The following RELN variants were observed in gnomAD, a reference collection of about 807,000 sequenced individuals.
RELN encodes reelin.
A neutral mutation model predicts 427.6 loss-of-function variants in RELN; 108 were observed. The ratio of observed to expected loss-of-function variants is 0.25; its 90% CI spans 0.22 to 0.30. The LOEUF is 0.30. Ranked by LOEUF, RELN falls within the 10% of genes least tolerant of loss-of-function variation. RELN has a pLI of 1.00. For synonymous variants in RELN, 1,524 were observed against 1,513.4 expected (o/e 1.01, Z -0.16); for missense variants, 3,715 against 4,302.8 (o/e 0.86, Z 3.82).
At chr7:103,659,565 C>T (rs1040646787) in intron 12 of RELN, among the ~76,000 whole-genome samples, 1 of 152,040 alleles carries the variant, frequency 6.6e-6, no homozygotes, top group Non-Finnish European at 1.5e-5. Flanking sequence ...TTAAATCATG[C>T]CCATCCTTCA....
At chr7:103,822,920 CA>C (rs1198249383) in intron 3 of RELN, among the ~76,000 whole-genome samples, 8 of 796 alleles carry the variant, frequency 0.01, 1 homozygote, top group African/African-American at 0.015. Context: ...GACTCCGTCT[CA>C]AAAAAAAAAA....
rs1457161587 is a variant in RELN at position 103,652,885 on chromosome 7, C to T, written c.1555-126G>A. On this transcript the variant is annotated intron_variant, in intron 13 of 64. Coordinates refer to ENST00000428762, the MANE Select transcript of RELN (RefSeq NM_005045.4). ...CATTTATTAAGCACCAGGACACGTC[C>T]TTTGTGTTGCATTTGTTATTTCATG... The T allele has an allele frequency of 6.3e-6, 5 of 789,814 alleles. No homozygotes were observed. The Admixed American group carries it at 8.0e-5, about 13-fold the overall frequency. 48.9% of individuals were successfully genotyped at this position (789,814 alleles called of 1,614,324 possible).
chr7:103,908,538 G>A (rs1470026849), intron 2 of RELN, among the ~76,000 whole-genome samples: 1 of 152,090 alleles, frequency 6.6e-6, no homozygotes. Flanking sequence ...CCACCACGTT[G>A]AACTGACTTT....
At chr7:103,726,865 T>C (rs777166527) in intron 7 of RELN, among the ~76,000 whole-genome samples, 1 of 152,198 alleles carries the variant, frequency 6.6e-6, no homozygotes, top group South Asian at 2.1e-4. Context: ...ACCAGAGTCA[T>C]ACTTGTCTGC....
chr7:103,613,648 C>A (rs1438510785), intron 20 of RELN, among the ~76,000 whole-genome samples: 1 of 152,068 alleles, frequency 6.6e-6, no homozygotes, highest in African/African-American at 2.4e-5. Context: ...TCTCTAAAAT[C>A]CTTTATGAGG....
At chr7:103,945,282 A>G (rs1796197228) in intron 1 of RELN, among the ~76,000 whole-genome samples, 1 of 152,168 alleles carries the variant, frequency 6.6e-6, no homozygotes, top group Admixed American at 6.5e-5. Flanking sequence ...CTGTCATTTT[A>G]TTCCCTTACC....
intron 2 of RELN, among the ~76,000 whole-genome samples, chr7:103,911,959 C>A (rs1201184902): frequency 1.3e-5 from 2 of 150,740 alleles, no homozygotes; most frequent in African/African-American, 4.9e-5. Flanking sequence ...ACATATGTAA[C>A]TAACCTGCAC....
chr7:103,919,803 C>T (rs1317502402), intron 1 of RELN, among the ~76,000 whole-genome samples: 2 of 152,042 alleles, frequency 1.3e-5, no homozygotes, highest in Non-Finnish European at 2.9e-5. Flanking sequence ...TTCTTGAAAG[C>T]GGAAAAGTGA....
intron 1 of RELN, 81 bp from the exon 2 acceptor site, chr7:103,917,266 AAAC>A: frequency 1.8e-6 from 2 of 1,106,722 alleles, no homozygotes; most frequent in Non-Finnish European, 2.8e-6. Context: ...GACATTGTCA[AAAC>A]AATCTTTACT....
chr7:103,609,788 T>C (rs1831906616), intron 22 of RELN, among the ~76,000 whole-genome samples: 1 of 152,224 alleles, frequency 6.6e-6, no homozygotes, highest in Admixed American at 6.5e-5. Flanking sequence ...ATTTTCTTTT[T>C]ACAAAAGAGC....
chr7:103,474,113 C>T (rs962967560), intron 64 of RELN, among the ~76,000 whole-genome samples: 1 of 151,958 alleles, frequency 6.6e-6, no homozygotes, highest in Non-Finnish European at 1.5e-5. Flanking sequence ...AGGTATTATA[C>T]TTAGGCATAT....
chr7:103,704,749 T>C (rs990530489), intron 8 of RELN, among the ~76,000 whole-genome samples: 3 of 152,126 alleles, frequency 2.0e-5, no homozygotes, highest in Non-Finnish European at 4.4e-5. Context: ...TTTTGCTCCC[T>C]TTTTGGGCAA....
chr7:103,916,294 C>G (rs577371792), intron 2 of RELN, among the ~76,000 whole-genome samples: 1 of 152,304 alleles, frequency 6.6e-6, no homozygotes, highest in South Asian at 2.1e-4. Context: ...AACTTTGTGT[C>G]TGATAATGCA....
At chr7:103,835,915 A>C (rs1404473800) in intron 2 of RELN, among the ~76,000 whole-genome samples, 1 of 150,100 alleles carries the variant, frequency 6.7e-6, no homozygotes, top group Admixed American at 6.6e-5. Flanking sequence ...AAACTTGTTC[A>C]CACTGTTAAT....
At chr7:103,974,534 T>C (rs1312631443) in intron 1 of RELN, among the ~76,000 whole-genome samples, 1 of 13,916 alleles carries the variant, frequency 7.2e-5, no homozygotes, top group Non-Finnish European at 1.3e-4. Flanking sequence ...AACAAGTCCT[T>C]GGAAACATTC....
rs183175618 is a variant in RELN at position 103,554,450 on chromosome 7, A to T, written c.5798-619T>A. ...GCTGGACATGGTGGTGCATGCCTGTAGTCCCAGCTATTCAGGAGGCTGAGG... is the reference window on the plus strand; with the variant it reads ...GCTGGACATGGTGGTGCATGCCTGTTGTCCCAGCTATTCAGGAGGCTGAGG... On this transcript the variant is annotated intron_variant, in intron 38 of 64. Coordinates refer to ENST00000428762, the MANE Select transcript of RELN (RefSeq NM_005045.4). 5.6e-3 allele frequency among the ~76,000 whole-genome samples: 847 copies of T among 150,714 alleles called. 5 individuals are homozygous for T. Among genetic ancestry groups the T allele is most frequent in the Middle Eastern group, 0.031 (9 of 288 alleles).
rs1255714086 is a variant in RELN at position 103,510,766 on chromosome 7, A to G, written c.8274+85T>C. ...TTTCAAAGTATATACTAAGTCAATG[A>G]AATATTAGATCATCTTTTCTCTGAT... On this transcript the variant is annotated intron_variant, in intron 51 of 64. Coordinates refer to ENST00000428762, the MANE Select transcript of RELN (RefSeq NM_005045.4). The G allele has an allele frequency of 5.3e-6, 6 of 1,136,166 alleles. No homozygotes were observed. In the Admixed American group the frequency reaches 9.3e-5, roughly 18 times the overall value. 70.4% of individuals were successfully genotyped at this position (1,136,166 alleles called of 1,614,324 possible). A position where few individuals can be genotyped will look rare whatever the true frequency, so the allele number is the denominator to read the frequency against.
At chr7:103,488,053 C>CAGGATAATCA (rs1413229795) in intron 60 of RELN, among the ~76,000 whole-genome samples, 6 of 151,776 alleles carry the variant, frequency 4.0e-5, no homozygotes, top group Non-Finnish European at 5.9e-5. Context: ...GAGGCTGAGG[C>CAGGATAATCA]AGGATAATCA....
intron 1 of RELN, among the ~76,000 whole-genome samples, chr7:103,941,522 C>T (rs1419342243): frequency 6.6e-5 from 10 of 151,974 alleles, no homozygotes; most frequent in Admixed American, 6.6e-4. Flanking sequence ...CATACCTAGT[C>T]AAATGAAAAT....
Sources: allele counts gnomAD v4.1 joint callset (sites outside exome capture counted in the v4.1 genomes callset), GRCh38; gene constraint gnomAD v4.1.1; transcripts MANE v1.5; gene names NCBI Gene and HGNC (gene_info 2026-07-23, HGNC 2026-07-21).